The following IMMP1L variants were observed in gnomAD, a reference collection of about 807,000 sequenced individuals.
IMMP1L encodes the protein inner mitochondrial membrane peptidase subunit 1.
IMMP1L carries 24 observed loss-of-function variants against 21.8 expected under a neutral mutation model. That is an observed-to-expected ratio of 1.10 (90% CI 0.80 to 1.55). The LOEUF (loss-of-function observed/expected upper bound fraction) is 1.55, where lower values mean the gene tolerates loss of function less well. IMMP1L is among the 40% of genes most tolerant of loss of function. IMMP1L has a pLI of 0.00. For synonymous variants in IMMP1L, 46 were observed against 62.8 expected (o/e 0.73, Z 1.26); for missense variants, 195 against 200.7 (o/e 0.97, Z 0.17).
chr11:31,436,528 G>T (rs1271222680), intron 4 of IMMP1L, among the ~76,000 whole-genome samples: 2 of 152,056 alleles, frequency 1.3e-5, no homozygotes, highest in African/African-American at 4.8e-5. Flanking sequence ...CACCTCCTGG[G>T]TTTAAGCAAT....
At chr11:31,460,985 C>T (rs1954121565) in intron 2 of IMMP1L, among the ~76,000 whole-genome samples, 1 of 152,076 alleles carries the variant, frequency 6.6e-6, no homozygotes, top group Non-Finnish European at 1.5e-5. Context: ...ATTTAGGCCA[C>T]CCTATAGAAT....
intron 1 of IMMP1L, among the ~76,000 whole-genome samples, chr11:31,492,832 C>A (rs191421222): frequency 1.6e-4 from 25 of 152,276 alleles, no homozygotes; most frequent in African/African-American, 5.8e-4. Context: ...TACATGGGCA[C>A]GGTTTCTGGT....
chr11:31,464,464 A>C (rs1043281420), intron 1 of IMMP1L, among the ~76,000 whole-genome samples: 8 of 152,178 alleles, frequency 5.3e-5, no homozygotes, highest in African/African-American at 1.9e-4. Context: ...CATTGCCCTA[A>C]TGCCCAAACC....
chr11:31,473,344 C>T (rs546877487), intron 1 of IMMP1L, among the ~76,000 whole-genome samples: 6 of 152,276 alleles, frequency 3.9e-5, no homozygotes, highest in East Asian at 1.9e-4. Flanking sequence ...CCACTGCGCC[C>T]GGCCCCTTTG....
At chr11:31,459,207 G>A (rs1954055617) in intron 3 of IMMP1L, among the ~76,000 whole-genome samples, 1 of 152,186 alleles carries the variant, frequency 6.6e-6, no homozygotes, top group South Asian at 2.1e-4. Flanking sequence ...CATACAGGTT[G>A]ACCAAGAGAG....
At chr11:31,462,258 G>A (rs890370000) in intron 2 of IMMP1L, among the ~76,000 whole-genome samples, 2 of 148,918 alleles carry the variant, frequency 1.3e-5, no homozygotes, top group African/African-American at 2.5e-5. Flanking sequence ...AGAGGCTGCC[G>A]TAAACTGAGA....
rs145543288 is a variant in IMMP1L, at chr11:31,482,484, T to G, written c.-29-19179A>C. Reference sequence around the variant, plus strand: ...ATGAAGAACTCATATTTTGAATATATAAAGAACTCCCACAAATCAAAGGAA... The same window carrying G: ...ATGAAGAACTCATATTTTGAATATAGAAAGAACTCCCACAAATCAAAGGAA... On this transcript the variant is annotated intron_variant, in intron 1 of 5. Transcript: ENST00000532287. 1.5e-4 allele frequency among the ~76,000 whole-genome samples: 23 copies of G among 151,988 alleles called. No individual in the cohort carries two copies. In the East Asian group the frequency reaches 4.4e-3, roughly 29 times the overall value.
At chr11:31,470,053 C>A (rs1215217308) in intron 1 of IMMP1L, among the ~76,000 whole-genome samples, 1 of 151,944 alleles carries the variant, frequency 6.6e-6, no homozygotes, top group Non-Finnish European at 1.5e-5. Context: ...ATGTTTTTGC[C>A]AGCACAACTG....
At chr11:31,449,585 C>A (rs1953672049) in intron 4 of IMMP1L, among the ~76,000 whole-genome samples, 2 of 152,100 alleles carry the variant, frequency 1.3e-5, no homozygotes, top group South Asian at 4.1e-4. Flanking sequence ...CTTAATCAGT[C>A]CTTTCTGAAA....
intron 3 of IMMP1L, among the ~76,000 whole-genome samples, chr11:31,457,489 T>C (rs2133639361): frequency 6.6e-6 from 1 of 152,196 alleles, no homozygotes; most frequent in Middle Eastern, 3.4e-3. Context: ...TGTACCTAGT[T>C]CCAGAAATAG....
At chr11:31,472,178 C>G (rs1317000878) in intron 1 of IMMP1L, among the ~76,000 whole-genome samples, 1 of 152,138 alleles carries the variant, frequency 6.6e-6, no homozygotes. Context: ...TCTCGTTTGC[C>G]ATGTAAGGCA....
At chr11:31,501,112 C>T (rs1955604330) in intron 1 of IMMP1L, among the ~76,000 whole-genome samples, 1 of 152,144 alleles carries the variant, frequency 6.6e-6, no homozygotes, top group Non-Finnish European at 1.5e-5. Context: ...TTGTACTGGA[C>T]AGTGCAGATA....
intron 4 of IMMP1L, chr11:31,433,783 C>CT (rs1171283672): frequency 1.5e-5 from 6 of 393,676 alleles, no homozygotes; most frequent in African/African-American, 4.2e-5. Flanking sequence ...AACCTATCAT[C>CT]TTTTTTTGTC....
chr11:31,484,182 A>C (rs748715129), intron 1 of IMMP1L, among the ~76,000 whole-genome samples: 4 of 151,950 alleles, frequency 2.6e-5, no homozygotes, highest in Non-Finnish European at 5.9e-5. Flanking sequence ...CTAACATATT[A>C]ACATATTCAA....
chr11:31,497,389 AATACAGGTT>A (rs1955479900), intron 1 of IMMP1L, among the ~76,000 whole-genome samples: 2 of 152,198 alleles, frequency 1.3e-5, no homozygotes, highest in Non-Finnish European at 2.9e-5. Context: ...CTGAGAGTAG[AATACAGGTT>A]ATTAGTGGTT....
At chr11:31,458,761 GCTGTCCTGTAAC>G (rs1459375478) in intron 3 of IMMP1L, among the ~76,000 whole-genome samples, 6 of 152,294 alleles carry the variant, frequency 3.9e-5, no homozygotes, top group African/African-American at 1.4e-4. Flanking sequence ...CAGATTTTGA[GCTGTCCTGTAAC>G]CTGGATGAAT....
At chr11:31,452,230 G>A in intron 4 of IMMP1L, 1 of 984,848 alleles carries the variant, frequency 1.0e-6, no homozygotes, top group Non-Finnish European at 1.2e-6. Context: ...TTTGTTGATA[G>A]GAATTTACCA....
At chr11:31,444,914 T>TCTC (rs1490518657) in intron 4 of IMMP1L, among the ~76,000 whole-genome samples, 1 of 152,204 alleles carries the variant, frequency 6.6e-6, no homozygotes, top group Non-Finnish European at 1.5e-5. Flanking sequence ...ATGTAGGAGA[T>TCTC]GGAGAAGAGG....
chr11:31,486,053 T>C (rs1047509887), intron 1 of IMMP1L, among the ~76,000 whole-genome samples: 4 of 151,610 alleles, frequency 2.6e-5, no homozygotes, highest in Admixed American at 2.6e-4. Flanking sequence ...AAACTTTTTT[T>C]TCCCTTTTTT....
Sources: gnomAD v4.1 joint callset for allele counts (sites outside exome capture counted in the v4.1 genomes callset) on GRCh38, gnomAD v4.1.1 for gene constraint, MANE v1.5 for transcripts, NCBI Gene and HGNC (gene_info 2026-07-23, HGNC 2026-07-21) for gene names.